Variants in SLCO3A1 observed in about 807,000 individuals in gnomAD.
SLCO3A1 encodes PGE1 transporter.
In SLCO3A1, 27 loss-of-function variants were observed where a neutral mutation model predicts 63.1. The ratio of observed to expected loss-of-function variants is 0.43; its 90% confidence interval spans 0.32 to 0.59. The LOEUF is 0.59. Ranked by LOEUF, SLCO3A1 falls within the 20% of genes least tolerant of loss-of-function variation. The pLI is 0.09. For missense variants in SLCO3A1, 773 were observed against 945.8 expected, an observed-to-expected ratio of 0.82 and a Z score of 2.40; for synonymous variants, 473 against 409.9, an observed-to-expected ratio of 1.15 and a Z score of -1.86.
chr15:92,146,177 G>A (rs1334401940), intron 7 of SLCO3A1, among the ~76,000 whole-genome samples: 1 of 152,138 alleles, frequency 6.6e-6, no homozygotes, highest in African/African-American at 2.4e-5. Flanking sequence ...AATTGGCTTG[G>A]CACCGGGCAC....
intron 4 of SLCO3A1, among the ~76,000 whole-genome samples, chr15:92,114,157 C>T (rs1238869336): frequency 1.3e-5 from 2 of 152,130 alleles, no homozygotes; most frequent in East Asian, 3.9e-4. Context: ...CAAATAAGCT[C>T]CCCCTGACTG....
At chr15:91,938,592 G>A (rs74028383) in intron 2 of SLCO3A1, among the ~76,000 whole-genome samples, 1,743 of 151,182 alleles carry the variant, frequency 0.012, 35 homozygotes, top group African/African-American at 0.04. Flanking sequence ...TGCTTTACAC[G>A]TATTTGCTGA....
At chr15:92,131,696 C>T (rs1254346069) in intron 7 of SLCO3A1, among the ~76,000 whole-genome samples, 1 of 145,466 alleles carries the variant, frequency 6.9e-6, no homozygotes, top group Non-Finnish European at 1.5e-5. Context: ...TGCAGTTCCC[C>T]AACACATCAA....
In SLCO3A1 at chr15:92,128,508, G is replaced by T. The variant is rs2047953838; in HGVS notation, c.1512+19G>T. On this transcript the variant is annotated intron_variant, in intron 7 of 9. Coordinates refer to ENST00000318445, the MANE Select transcript of SLCO3A1 (RefSeq NM_013272.4). Reference sequence around the variant, plus strand: ...CAGCACGGTAATGGGATGGGGCAGGGGATGGGGCAGGGGATTCAGGCAGCT... The same window carrying T: ...CAGCACGGTAATGGGATGGGGCAGGTGATGGGGCAGGGGATTCAGGCAGCT... 2 of 1,604,196 alleles carry T rather than the reference G, an allele frequency of 1.2e-6. No individual in the cohort carries two copies. Among genetic ancestry groups the T allele is most frequent in the Non-Finnish European group, 1.7e-6 (2 of 1,174,478 alleles).
At chr15:92,026,857 G>A (rs1053731438) in intron 2 of SLCO3A1, among the ~76,000 whole-genome samples, 2 of 152,194 alleles carry the variant, frequency 1.3e-5, no homozygotes, top group Admixed American at 1.3e-4. Flanking sequence ...CGGAGGCCAA[G>A]GCAGGTGGAT....
At position 91,916,473 on chromosome 15, in the gene SLCO3A1, A is replaced by T; in HGVS notation, c.646+15A>T. The T allele has an allele frequency of 1.3e-6, 2 of 1,561,992 alleles. No homozygotes were observed. Among genetic ancestry groups the T allele is most frequent in the Non-Finnish European group, 1.7e-6 (2 of 1,150,488 alleles). ...GCTCTATATAGGTAGGAGCTGCCCC[A>T]GCCGTATTAGCAAGAGACCAGGGTG... On this transcript the variant is annotated intron_variant, in intron 2 of 9. Transcript: ENST00000318445. This position sits in a 1 kb window ranked among gnomAD's most constrained non-coding sequence, Gnocchi z 6.2.
intron 2 of SLCO3A1, among the ~76,000 whole-genome samples, chr15:91,933,391 G>A (rs1899301153): frequency 6.6e-6 from 1 of 152,090 alleles, no homozygotes. Context: ...TACCTTGGAA[G>A]TAATCAATTT....
At chr15:91,963,404 AG>A (rs1176735786) in intron 2 of SLCO3A1, among the ~76,000 whole-genome samples, 2 of 3,154 alleles carry the variant, frequency 6.3e-4, no homozygotes, top group African/African-American at 1.3e-3. Context: ...TAACTCGGGG[AG>A]GGTGGGGGGG....
At chr15:91,914,040 A>C (rs1004242701) in intron 1 of SLCO3A1, among the ~76,000 whole-genome samples, 2 of 152,002 alleles carry the variant, frequency 1.3e-5, no homozygotes, top group African/African-American at 4.8e-5. Context: ...TTCACAGATA[A>C]ATGATAATGA....
downstream of SLCO3A1, among the ~76,000 whole-genome samples, chr15:92,168,576 C>T (rs1226200712): frequency 6.6e-6 from 1 of 152,206 alleles, no homozygotes; most frequent in Admixed American, 6.5e-5. Flanking sequence ...TCTCAAGCAG[C>T]ACTGCATGTT....
intron 2 of SLCO3A1, among the ~76,000 whole-genome samples, chr15:92,056,686 C>A (rs1450236971): frequency 6.6e-6 from 1 of 152,200 alleles, no homozygotes; most frequent in Admixed American, 6.5e-5. Context: ...GAGGTCTGTT[C>A]AGACCTTCAC....
chr15:91,986,176 G>C (rs903564470), intron 2 of SLCO3A1, among the ~76,000 whole-genome samples: 1 of 152,126 alleles, frequency 6.6e-6, no homozygotes, highest in Non-Finnish European at 1.5e-5. Flanking sequence ...CACCATGCTC[G>C]GCCTATATTT....
chr15:91,969,346 C>A (rs940740355), intron 2 of SLCO3A1, among the ~76,000 whole-genome samples: 5 of 150,424 alleles, frequency 3.3e-5, no homozygotes, highest in African/African-American at 1.2e-4. Flanking sequence ...CACTCTGTTG[C>A]CCAGGCTGGA....
At chr15:91,976,795 T>C (rs1901129654) in intron 2 of SLCO3A1, among the ~76,000 whole-genome samples, 1 of 152,078 alleles carries the variant, frequency 6.6e-6, no homozygotes, top group Non-Finnish European at 1.5e-5. Flanking sequence ...TTAGGGAGTT[T>C]CAAAAGGGGA....
chr15:92,095,710 T>C (rs1323133888), intron 3 of SLCO3A1, among the ~76,000 whole-genome samples: 1 of 152,180 alleles, frequency 6.6e-6, no homozygotes, highest in Non-Finnish European at 1.5e-5. Flanking sequence ...ACATATGCAG[T>C]GTAGGTCAGC....
chr15:92,171,922 G>C, exon 11 of SLCO3A1: 1 of 1,312,974 alleles, frequency 7.6e-7, no homozygotes, highest in Non-Finnish European at 1.1e-6. Flanking sequence ...CAGACCTCGC[G>C]GGCCTCACTT....
chr15:91,976,949 A>G (rs1901137924), intron 2 of SLCO3A1, among the ~76,000 whole-genome samples: 1 of 152,172 alleles, frequency 6.6e-6, no homozygotes, highest in Non-Finnish European at 1.5e-5. Flanking sequence ...TTCAGGCACC[A>G]CTGTCATTGA....
chr15:92,058,191 G>A (rs1359975561), intron 2 of SLCO3A1, among the ~76,000 whole-genome samples: 2 of 152,034 alleles, frequency 1.3e-5, no homozygotes, highest in African/African-American at 4.8e-5. Context: ...GTTTGTGCAC[G>A]CCTGATCCGT....
chr15:92,047,639 A>AAT (rs1385890314), intron 2 of SLCO3A1, among the ~76,000 whole-genome samples: 1 of 103,068 alleles, frequency 9.7e-6, no homozygotes, highest in Non-Finnish European at 1.8e-5. Flanking sequence ...TAAATATATA[A>AAT]ATATATATAT....
Sources: allele counts gnomAD v4.1 joint callset (sites outside exome capture counted in the v4.1 genomes callset), GRCh38; gene constraint gnomAD v4.1.1; non-coding constraint Gnocchi (gnomAD v3.1); transcripts MANE v1.5; gene names NCBI Gene and HGNC (gene_info 2026-07-23, HGNC 2026-07-21).